Variants in PAICS observed in about 807,000 individuals in gnomAD.
The protein encoded by PAICS is phosphoribosylaminoimidazole carboxylase and phosphoribosylaminoimidazolesuccinocarboxamide synthase, also known as bifunctional phosphoribosylaminoimidazole carboxylase/phosphoribosylaminoimidazole succinocarboxamide synthetase.
Under a neutral mutation model 53.7 loss-of-function variants are expected in PAICS, and 33 were observed. The observed-to-expected ratio is 0.61, with a 90% CI of 0.47 to 0.82. The LOEUF is 0.82. Among genes scored for constraint, PAICS ranks in the 40% least tolerant of loss-of-function variants. The pLI is 0.00. For missense variants in PAICS, 394 were observed against 494.1 expected (o/e 0.80, Z 1.92); for synonymous variants, 141 against 167.2 (o/e 0.84, Z 1.21).
intron 1 of PAICS, among the ~76,000 whole-genome samples, chr4:56,438,218 G>A (rs1240006359): frequency 6.6e-6 from 1 of 151,436 alleles, no homozygotes; most frequent in Non-Finnish European, 1.5e-5. Flanking sequence ...GTTCCAGTCA[G>A]GTTAATTCAC....
the PAICS span, chr4:56,419,680 G>A: frequency 1.8e-5 from 18 of 984,036 alleles, no homozygotes; most frequent in Non-Finnish European, 2.2e-5. Context: ...GCAAATGAAG[G>A]AGGAAAGCAC....
At chr4:56,423,048 G>A in the PAICS span, 1 of 152,168 alleles carries the variant, frequency 6.6e-6, no homozygotes, top group Non-Finnish European at 1.5e-5. Flanking sequence ...TTTTGTGCTT[G>A]CTACCTGATA....
the PAICS span, among the ~76,000 whole-genome samples, chr4:56,425,009 G>A: frequency 6.6e-6 from 1 of 152,164 alleles, no homozygotes. Context: ...AAAATCACAA[G>A]TGAAATACCT....
At position 56,451,849 on chromosome 4, in the gene PAICS, A is replaced by C. The variant is rs774726007; in HGVS notation, c.772-23A>C. The stretch of plus-strand genomic sequence containing the variant: ...TCATTTTTGTTTTTATGTTCTTTTC[A>C]TATCCACGTATTTTTTCTTCAGTTG... On this transcript the variant is annotated intron_variant, in intron 6 of 8. Coordinates refer to ENST00000512576, the MANE Select transcript of PAICS (RefSeq NM_001079524.2). 5.4e-6 allele frequency: 8 copies of C among 1,475,030 alleles called. No homozygotes were observed. The Admixed American group carries it at 7.4e-5, about 14-fold the overall frequency. The allele number at this position is 1,475,030 out of a possible 1,614,324, so 91.4% of individuals were successfully genotyped here.
chr4:56,443,665 T>C (rs1048348475), intron 2 of PAICS, among the ~76,000 whole-genome samples: 2 of 152,250 alleles, frequency 1.3e-5, no homozygotes, highest in African/African-American at 4.8e-5. Flanking sequence ...AGCCTGACTT[T>C]TTATTTGCTT....
At position 56,460,480 on chromosome 4, in the gene PAICS, C is replaced by A. The variant is rs1264997340; in HGVS notation, c.*942C>A. The A allele has an allele frequency of 1.3e-5, 2 of 152,164 alleles. No homozygotes were observed. The highest frequency in any genetic ancestry group is 4.8e-5 in the African/African-American group (2 of 41,446). The allele number at this position is 152,164 out of a possible 1,614,324, so 9.4% of individuals were successfully genotyped here. The stretch of plus-strand genomic sequence containing the variant: ...TCAACATTATCCTGATCTAGACAGC[C>A]CCCATTCTCAATCCACCCTTTTCCA... On this transcript the variant is annotated 3_prime_UTR_variant, in exon 9 of 9. Coordinates refer to ENST00000512576, the MANE Select transcript of PAICS (RefSeq NM_001079524.2).
At chr4:56,452,774 A>G (rs968561576) in intron 7 of PAICS, among the ~76,000 whole-genome samples, 4 of 152,188 alleles carry the variant, frequency 2.6e-5, no homozygotes, top group Non-Finnish European at 4.4e-5. Context: ...ATTAAAGAAC[A>G]GTTTCAGAAT....
rs190112558 is a variant in PAICS, at chr4:56,436,276, T to A, written c.-37T>A. 2,211 of 1,591,842 alleles carry A rather than the reference T, an allele frequency of 1.4e-3. 35 individuals carry two copies. In the African/African-American group the frequency reaches 0.026, roughly 19 times the overall value. On this transcript the variant is annotated 5_prime_UTR_variant, in exon 1 of 9. Coordinates refer to ENST00000512576, the MANE Select transcript of PAICS (RefSeq NM_001079524.2). ...CTCTTTTCTAGAGTTCTGCCTCGCT[T>A]CCCGGCGCGGTCGCAGCCCTCAGCC...
chr4:56,453,906 G>T, intron 8 of PAICS, 145 bp downstream of exon 8: 1 of 505,042 alleles, frequency 2.0e-6, no homozygotes, highest in Non-Finnish European at 3.5e-6. Flanking sequence ...GCCATCTCCT[G>T]CTGGATTATT....
the PAICS span, among the ~76,000 whole-genome samples, chr4:56,411,634 T>A: frequency 1.2e-4 from 19 of 152,194 alleles, no homozygotes; most frequent in Admixed American, 1.2e-3. Context: ...GTCTAAATCT[T>A]ATAGATGCTA....
At chr4:56,446,563 A>G (rs1024331817) in intron 2 of PAICS, 132 bp from the exon 3 acceptor site, 9 of 635,482 alleles carry the variant, frequency 1.4e-5, no homozygotes, top group Non-Finnish European at 2.0e-5. Context: ...ACATTAAATA[A>G]AGAGAAAAAT....
chr4:56,432,468 A>G (rs1717637377), upstream of PAICS, among the ~76,000 whole-genome samples: 4 of 148,714 alleles, frequency 2.7e-5, no homozygotes, highest in South Asian at 8.7e-4. Context: ...GGAGGTTGCA[A>G]TGAGCCCAGA....
chr4:56,450,601 T>G lies in PAICS; in HGVS notation c.688-18T>G. The G allele has an allele frequency of 7.4e-7, 1 of 1,345,546 alleles. No individual in the cohort carries two copies. Among genetic ancestry groups the G allele is most frequent in the Middle Eastern group, 2.4e-4 (1 of 4,252 alleles). 83.4% of individuals were successfully genotyped at this position (1,345,546 alleles called of 1,614,324 possible). A position where few individuals can be genotyped will look rare whatever the true frequency, so the allele number is the denominator to read the frequency against. ...GCAAGAGATACTTGTTTTCTAAACTTTCTATCTTATTTTCTAGTCTTATCG... is the reference window on the plus strand; with the variant it reads ...GCAAGAGATACTTGTTTTCTAAACTGTCTATCTTATTTTCTAGTCTTATCG... On this transcript the variant is annotated intron_variant, in intron 5 of 8. Transcript: ENST00000512576.
chr4:56,419,881 T>G, the PAICS span: 1 of 984,636 alleles, frequency 1.0e-6, no homozygotes, highest in Non-Finnish European at 1.2e-6. Flanking sequence ...GAATACAAGA[T>G]CGTAAGAACA....
At chr4:56,452,099 A>T in intron 7 of PAICS, 47 bp downstream of exon 7, 1 of 1,265,044 alleles carries the variant, frequency 7.9e-7, no homozygotes, top group African/African-American at 1.5e-5. Flanking sequence ...TGATTTTGCT[A>T]AAAGTAATTA....
rs995166452 is a variant in PAICS, at chr4:56,436,269, C to G, written c.-44C>G. On this transcript the variant is annotated 5_prime_UTR_variant, in exon 1 of 9. Coordinates refer to ENST00000512576, the MANE Select transcript of PAICS (RefSeq NM_001079524.2). ...ACCACCCCTCTTTTCTAGAGTTCTG[C>G]CTCGCTTCCCGGCGCGGTCGCAGCC... 14 of 1,584,232 alleles carry G rather than the reference C, an allele frequency of 8.8e-6. No homozygotes were observed. The Admixed American group carries it at 1.8e-4, about 20-fold the overall frequency.
chr4:56,431,359 G>C (rs947620208), upstream of PAICS: 4 of 653,972 alleles, frequency 6.1e-6, no homozygotes, highest in Non-Finnish European at 7.6e-6. Flanking sequence ...AAGTCTGACT[G>C]AGTGCATCTC....
In PAICS at chr4:56,436,263, G is replaced by C. The variant is rs748498890; in HGVS notation, c.-50G>C. The C allele has an allele frequency of 6.3e-7, 1 of 1,578,340 alleles. No individual in the cohort carries two copies. Reference sequence around the variant, plus strand: ...TCTCTGACCACCCCTCTTTTCTAGAGTTCTGCCTCGCTTCCCGGCGCGGTC... The same window carrying C: ...TCTCTGACCACCCCTCTTTTCTAGACTTCTGCCTCGCTTCCCGGCGCGGTC... On this transcript the variant is annotated 5_prime_UTR_variant, in exon 1 of 9. Transcript: ENST00000512576.
chr4:56,438,403 A>ATATATATATG (rs71194108), intron 1 of PAICS, among the ~76,000 whole-genome samples: 4 of 114,474 alleles, frequency 3.5e-5, no homozygotes, highest in African/African-American at 1.5e-4. Flanking sequence ...ATATATATAT[A>ATATATATATG]AAAGGTTTTT....
Sources: gnomAD v4.1 joint callset for allele counts (sites outside exome capture counted in the v4.1 genomes callset) on GRCh38, gnomAD v4.1.1 for gene constraint, MANE v1.5 for transcripts, NCBI Gene and HGNC (gene_info 2026-07-23, HGNC 2026-07-21) for gene names.